HYDIN: variants seen among roughly 807,000 people sequenced by gnomAD.
The protein encoded by HYDIN is axonemal central pair apparatus protein HYDIN.
A neutral mutation model predicts 403.9 loss-of-function variants in HYDIN; 132 were observed. The observed-to-expected ratio is 0.33, with a 90% CI of 0.28 to 0.38. HYDIN has a LOEUF of 0.38. Ranked by LOEUF, HYDIN falls within the 10% of genes least tolerant of loss-of-function variation. The pLI is 1.00. For missense variants in HYDIN, 2,827 were observed against 5,009.5 expected, an observed-to-expected ratio of 0.56 and a Z score of 13.15; for synonymous variants, 1,202 against 1,891.7, an observed-to-expected ratio of 0.64 and a Z score of 9.46.
intron 17 of HYDIN, among the ~76,000 whole-genome samples, chr16:71,061,167 T>C (rs1451790053): frequency 4.8e-5 from 7 of 146,484 alleles, no homozygotes; most frequent in Non-Finnish European, 1.1e-4. Flanking sequence ...CCCTTTTCTT[T>C]CACAAAGTTC....
intron 6 of HYDIN, among the ~76,000 whole-genome samples, chr16:71,153,549 G>A (rs2085629288): frequency 6.6e-6 from 1 of 152,066 alleles, no homozygotes; most frequent in Non-Finnish European, 1.5e-5. Flanking sequence ...GGTCTCCCAG[G>A]GAAGACAATG....
At chr16:71,036,297 G>T (rs2081085374) in intron 18 of HYDIN, among the ~76,000 whole-genome samples, 3 of 152,116 alleles carry the variant, frequency 2.0e-5, no homozygotes, top group Admixed American at 2.0e-4. Context: ...ATCTCACTTT[G>T]TTGACCCTTC....
At chr16:70,949,470 C>G (rs12149932) in intron 41 of HYDIN, among the ~76,000 whole-genome samples, 2 of 151,874 alleles carry the variant, frequency 1.3e-5, no homozygotes, top group Non-Finnish European at 2.9e-5. Context: ...ATAAAAAAAA[C>G]AAAAACAAGA....
intron 23 of HYDIN, among the ~76,000 whole-genome samples, chr16:71,017,299 C>A (rs1288816574): frequency 6.7e-6 from 1 of 149,164 alleles, no homozygotes; most frequent in East Asian, 2.0e-4. Context: ...GCAGTGAGCC[C>A]AGATAGCGCC....
At chr16:70,891,228 G>A (rs1249452456) in intron 57 of HYDIN, among the ~76,000 whole-genome samples, 14 of 151,782 alleles carry the variant, frequency 9.2e-5, no homozygotes, top group Non-Finnish European at 7.4e-5. Flanking sequence ...TCGTTCTGTC[G>A]CCCAGACTGG....
intron 85 of HYDIN, 36 bp downstream of exon 85, chr16:70,809,747 G>T: frequency 6.6e-7 from 1 of 1,512,982 alleles, no homozygotes; most frequent in Non-Finnish European, 9.2e-7. Flanking sequence ...GCGTTCATGT[G>T]AGGGAAGGGC....
At chr16:70,890,867 A>G (rs2041423387) in intron 57 of HYDIN, among the ~76,000 whole-genome samples, 1 of 151,844 alleles carries the variant, frequency 6.6e-6, no homozygotes, top group Non-Finnish European at 1.5e-5. Context: ...GGTAGGCTGA[A>G]GGCATCACCG....
At chr16:71,119,841 C>T (rs998419319) in intron 9 of HYDIN, among the ~76,000 whole-genome samples, 7 of 150,756 alleles carry the variant, frequency 4.6e-5, no homozygotes, top group African/African-American at 1.5e-4. Context: ...TAACAAGCCT[C>T]AACTTTAGAC....
intron 37 of HYDIN, among the ~76,000 whole-genome samples, chr16:70,963,866 C>T (rs1429433612): frequency 1.3e-5 from 2 of 148,546 alleles, no homozygotes; most frequent in Non-Finnish European, 3.0e-5. Context: ...CTGTTCCATG[C>T]ACTAGTTTTA....
chr16:71,180,481 A>C (rs1428419564), intron 3 of HYDIN, among the ~76,000 whole-genome samples: 1 of 152,094 alleles, frequency 6.6e-6, no homozygotes. Context: ...AAAGAAAAGA[A>C]AAACAAAAAA....
intron 41 of HYDIN, among the ~76,000 whole-genome samples, chr16:70,945,924 A>G (rs955097744): frequency 1.3e-5 from 2 of 152,202 alleles, no homozygotes; most frequent in African/African-American, 4.8e-5. Context: ...GAGGCAGGCA[A>G]TGCGGCAATT....
intron 50 of HYDIN, among the ~76,000 whole-genome samples, chr16:70,907,162 G>A (rs1186021028): frequency 6.6e-6 from 1 of 152,174 alleles, no homozygotes; most frequent in Non-Finnish European, 1.5e-5. Flanking sequence ...CCTCTCCTAG[G>A]CTTTCCCATA....
chr16:71,178,955 A>C lies in HYDIN; in HGVS notation c.354T>G (p.Val118=). The change falls in exon 4 of 86, where the codon GTT becomes GTG. Residue 118 remains valine (V), a synonymous_variant. Transcript: ENST00000393567. ...QNYTPCEVYE[V]PLILRNNDKI... Reference sequence around the variant, plus strand: ...TGTCATTGTTCCTCAAAATCAGTGGAACTTCATAGACTTCACAGGGAGTGT... The same window carrying C: ...TGTCATTGTTCCTCAAAATCAGTGGCACTTCATAGACTTCACAGGGAGTGT... 6.2e-7 allele frequency: 1 copy of C among 1,612,522 alleles called. No individual in the cohort carries two copies. Among genetic ancestry groups the C allele is most frequent in the Non-Finnish European group, 8.5e-7 (1 of 1,179,100 alleles).
intron 3 of HYDIN, among the ~76,000 whole-genome samples, chr16:71,180,654 CTG>C (rs546708413): frequency 4.5e-4 from 69 of 151,980 alleles, no homozygotes; most frequent in Non-Finnish European, 7.8e-4. Flanking sequence ...CAAACTGAAA[CTG>C]AAACTGGCAC....
At chr16:70,863,959 C>T (rs1316264296) in intron 67 of HYDIN, among the ~76,000 whole-genome samples, 2 of 151,928 alleles carry the variant, frequency 1.3e-5, no homozygotes, top group Admixed American at 6.6e-5. Flanking sequence ...GACTGAGGCA[C>T]AGATTTGAAT....
intron 44 of HYDIN, among the ~76,000 whole-genome samples, chr16:70,938,050 T>A (rs2077549157): frequency 6.6e-6 from 1 of 152,222 alleles, no homozygotes; most frequent in African/African-American, 2.4e-5. Flanking sequence ...CTTGTGAGTC[T>A]GCCCACAGTC....
At chr16:70,902,821 A>ATTTTTTTTTTTTT (rs60618592) in intron 52 of HYDIN, among the ~76,000 whole-genome samples, 8 of 47,298 alleles carry the variant, frequency 1.7e-4, no homozygotes, top group South Asian at 7.5e-4. Flanking sequence ...ATATATATAT[A>ATTTTTTTTTTTTT]TTTTTTTTTT....
intron 1 of HYDIN, among the ~76,000 whole-genome samples, chr16:71,211,879 G>C (rs1360057086): frequency 1.3e-5 from 2 of 152,074 alleles, no homozygotes; most frequent in Admixed American, 1.3e-4. Context: ...AAAAAACCAT[G>C]ATTAATATGT....
intron 20 of HYDIN, 137 bp downstream of exon 20, chr16:71,027,465 G>A: frequency 1.3e-6 from 2 of 1,532,806 alleles, no homozygotes; most frequent in African/African-American, 2.8e-5. Flanking sequence ...TGCTACTATG[G>A]TAACTCAGGA....
Sources: gnomAD v4.1 joint callset for allele counts (sites outside exome capture counted in the v4.1 genomes callset) on GRCh38, gnomAD v4.1.1 for gene constraint, MANE v1.5 for transcripts, NCBI Gene and HGNC (gene_info 2026-07-23, HGNC 2026-07-21) for gene names.